MAEL: variants seen among roughly 807,000 people sequenced by gnomAD.
The protein encoded by MAEL is maelstrom spermatogenic transposon silencer, also known as protein maelstrom homolog.
MAEL carries 46 observed loss-of-function variants against 62.0 expected under a neutral mutation model. That is an observed-to-expected ratio of 0.74 (90% CI 0.59 to 0.95). MAEL has a LOEUF of 0.95. MAEL is among the 40% of genes least tolerant of loss of function. The pLI is 0.00. For synonymous variants in MAEL, 172 were observed against 175.5 expected (o/e 0.98, Z 0.16); for missense variants, 497 against 526.8 (o/e 0.94, Z 0.55).
At chr1:167,000,503 A>G (rs1664617262) in intron 5 of MAEL, among the ~76,000 whole-genome samples, 1 of 152,238 alleles carries the variant, frequency 6.6e-6, no homozygotes, top group African/African-American at 2.4e-5. Context: ...CTCCTAGTGA[A>G]GATGCTGTGA....
chr1:167,014,551 T>C (rs1665299799), intron 8 of MAEL, among the ~76,000 whole-genome samples: 3 of 152,206 alleles, frequency 2.0e-5, no homozygotes, highest in African/African-American at 4.8e-5. Flanking sequence ...CAAAAAGTTA[T>C]GAAAAATCAT....
intron 8 of MAEL, among the ~76,000 whole-genome samples, chr1:167,015,039 A>C (rs1665329501): frequency 6.6e-6 from 1 of 152,192 alleles, no homozygotes; most frequent in African/African-American, 2.4e-5. Flanking sequence ...AAAAGCCTGC[A>C]ACATGAAAAA....
intron 10 of MAEL, 107 bp from the exon 11 acceptor site, chr1:167,020,976 TGA>T (rs1454004903): frequency 8.7e-6 from 7 of 808,858 alleles, no homozygotes; most frequent in Non-Finnish European, 1.5e-5. Flanking sequence ...GAAAAGTATT[TGA>T]GTGTTAGTTT....
chr1:166,995,169 A>G (rs376277231), intron 5 of MAEL, among the ~76,000 whole-genome samples: 10 of 152,024 alleles, frequency 6.6e-5, no homozygotes, highest in African/African-American at 2.2e-4. Flanking sequence ...CTAATTCTTT[A>G]TTTGTTTGAC....
At chr1:166,980,383 G>GCTGTGC (rs1663724652) in intron 1 of MAEL, among the ~76,000 whole-genome samples, 1 of 152,122 alleles carries the variant, frequency 6.6e-6, no homozygotes. Context: ...CTGGACAAAA[G>GCTGTGC]CTGTGCCCAT....
intron 5 of MAEL, among the ~76,000 whole-genome samples, chr1:166,994,935 C>G (rs187974208): frequency 1.4e-5 from 2 of 147,700 alleles, no homozygotes; most frequent in East Asian, 4.0e-4. Flanking sequence ...CCCAAAAGTG[C>G]TGGGATTACA....
At chr1:166,984,776 A>C (rs1055000384), upstream of MAEL, among the ~76,000 whole-genome samples, 1 of 152,112 alleles carries the variant, frequency 6.6e-6, no homozygotes, top group Non-Finnish European at 1.5e-5. Flanking sequence ...GCTTTTACAC[A>C]TACTGTTCCC....
intron 8 of MAEL, among the ~76,000 whole-genome samples, chr1:167,007,609 ACACT>A: frequency 6.6e-6 from 1 of 150,580 alleles, no homozygotes; most frequent in Non-Finnish European, 1.5e-5. Context: ...ATGTACACAC[ACACT>A]CCATATACAT....
chr1:166,989,987 G>T (rs965983851), intron 2 of MAEL, 158 bp downstream of exon 2: 2 of 627,800 alleles, frequency 3.2e-6, no homozygotes, highest in African/African-American at 3.7e-5. Flanking sequence ...CAGAATGCCT[G>T]TTAAAAAAAA....
chr1:166,994,697 G>T (rs1431241241), intron 5 of MAEL, among the ~76,000 whole-genome samples: 3 of 139,674 alleles, frequency 2.1e-5, no homozygotes, highest in Non-Finnish European at 4.6e-5. Context: ...TTGAGACGGA[G>T]CCTTGCTCTG....
chr1:167,017,932 G>A lies in MAEL; in HGVS notation c.1014G>A (p.Met338Ile), dbSNP rs753346677. 1.9e-6 allele frequency: 3 copies of A among 1,613,200 alleles called. No homozygotes were observed. In the South Asian group the frequency reaches 3.3e-5, roughly 18 times the overall value. Residue 338 changes from methionine to isoleucine, a missense_variant, in exon 10 of 12, where the codon ATG (methionine) becomes ATA (isoleucine). Physicochemically the swap from Met to Ile is conservative, Grantham distance 10 (BLOSUM62 1). Transcript: ENST00000367872. ...CCAGCAATAGTGTGACACCCAAAAT[G>A]GTTGTATTGGATGCAGGGCGTTACC... ...YEASNSVTPK[M>I]VVLDAGRYQK...
At chr1:167,017,988 G>A in intron 10 of MAEL, 29 bp downstream of exon 10, 2 of 1,609,460 alleles carry the variant, frequency 1.2e-6, no homozygotes, top group Non-Finnish European at 1.7e-6. Context: ...AGAGCTGCTG[G>A]TCTCTTTAGC....
chr1:166,989,836 T>C lies in MAEL; in HGVS notation c.225+7T>C. 1 of 1,607,182 alleles carries C rather than the reference T, an allele frequency of 6.2e-7. No homozygotes were observed. The highest frequency in any genetic ancestry group is 2.2e-5 in the East Asian group (1 of 44,800). On this transcript the variant is annotated splice_region_variant and intron_variant, in intron 2 of 11. Coordinates refer to ENST00000367872, the MANE Select transcript of MAEL (RefSeq NM_032858.3). The stretch of plus-strand genomic sequence containing the variant: ...TGGGCCCTCAGAGAAGCAGGTAAAG[T>C]TAACGAGAGAAGAGCCGCCATCTGC...
chr1:166,986,726 A>G (rs1663925685), upstream of MAEL, among the ~76,000 whole-genome samples: 1 of 152,188 alleles, frequency 6.6e-6, no homozygotes, highest in South Asian at 2.1e-4. Context: ...AAAGCTTTTT[A>G]TTCAAGAAAC....
At chr1:166,993,773 A>G (rs1280512761) in intron 4 of MAEL, among the ~76,000 whole-genome samples, 3 of 152,202 alleles carry the variant, frequency 2.0e-5, no homozygotes, top group Admixed American at 6.5e-5. Flanking sequence ...CTTTTGACAC[A>G]TGCTTTCTTT....
At chr1:166,996,546 C>T (rs180837879) in intron 5 of MAEL, among the ~76,000 whole-genome samples, 30 of 152,252 alleles carry the variant, frequency 2.0e-4, no homozygotes, top group Admixed American at 7.2e-4. Flanking sequence ...TAAGGTATAA[C>T]GAACATTAAT....
At chr1:166,985,180 C>T (rs142630536), upstream of MAEL, among the ~76,000 whole-genome samples, 42 of 152,214 alleles carry the variant, frequency 2.8e-4, no homozygotes, top group African/African-American at 8.7e-4. Context: ...GAGAGAGTAC[C>T]GGAATGCAGT....
At chr1:167,013,842 T>A (rs1041206660) in intron 8 of MAEL, among the ~76,000 whole-genome samples, 1 of 152,212 alleles carries the variant, frequency 6.6e-6, no homozygotes, top group African/African-American at 2.4e-5. Flanking sequence ...TGCTAGAATA[T>A]GAAAGGCTTT....
Position 167,017,890 on chromosome 1 carries a change from A to G in MAEL, c.972A>G (p.Pro324=). Residue 324 remains proline (P), a synonymous_variant, in exon 10 of 12, where the codon CCA becomes CCG. Coordinates refer to ENST00000367872, the MANE Select transcript of MAEL (RefSeq NM_032858.3). ...TCCAGCTCACAGAGGCTCATGTACC[A>G]CTACAAGATTATGAGGCCAGCAATA... ...FGIQLTEAHV[P]LQDYEASNSV... The G allele has an allele frequency of 6.2e-7, 1 of 1,613,416 alleles. No individual in the cohort carries two copies. Among genetic ancestry groups the G allele is most frequent in the Non-Finnish European group, 8.5e-7 (1 of 1,179,552 alleles).
Sources: allele counts gnomAD v4.1 joint callset (sites outside exome capture counted in the v4.1 genomes callset), GRCh38; gene constraint gnomAD v4.1.1; transcripts MANE v1.5; gene names NCBI Gene and HGNC (gene_info 2026-07-23, HGNC 2026-07-21).